The following AGO2 variants were observed in gnomAD, a reference collection of about 807,000 sequenced individuals.
The protein encoded by AGO2 is protein argonaute-2.
Under a neutral mutation model 102.3 loss-of-function variants are expected in AGO2, and 5 were observed. The ratio of observed to expected loss-of-function variants is 0.05; its 90% confidence interval spans 0.03 to 0.10. The LOEUF (loss-of-function observed/expected upper bound fraction) is 0.10, where lower values mean the gene tolerates loss of function less well. AGO2 is among the 10% of genes least tolerant of loss of function. The pLI is 1.00. For synonymous variants in AGO2, 449 were observed against 473.1 expected, an observed-to-expected ratio of 0.95 and a Z score of 0.66; for missense variants, 541 against 1,183.7, an observed-to-expected ratio of 0.46 and a Z score of 7.97.
Position 140,635,568 on chromosome 8 carries a change from C to T in AGO2, c.-62G>A, listed in dbSNP as rs2074397964. The T allele has an allele frequency of 1.0e-6, 1 of 970,430 alleles. No homozygotes were observed. Among genetic ancestry groups the T allele is most frequent in the South Asian group, 4.6e-5 (1 of 21,652 alleles). The allele number at this position is 970,430 out of a possible 1,614,324, so 60.1% of individuals were successfully genotyped here. On this transcript the variant is annotated 5_prime_UTR_variant, in exon 1 of 19. Transcript: ENST00000220592. The stretch of plus-strand genomic sequence containing the variant: ...GCCGCGCGCGCGCCACGGGCCCCGA[C>T]GCCGCGAGCCGCGAGGGAGCCGCCG...
intron 1 of AGO2, among the ~76,000 whole-genome samples, chr8:140,617,680 GC>G (rs1413917005): frequency 6.6e-6 from 1 of 152,206 alleles, no homozygotes; most frequent in African/African-American, 2.4e-5. Flanking sequence ...TCCCACAGGA[GC>G]CCACCCTCTG....
At chr8:140,604,021 T>G (rs1022198890) in intron 1 of AGO2, among the ~76,000 whole-genome samples, 4 of 152,190 alleles carry the variant, frequency 2.6e-5, no homozygotes, top group Non-Finnish European at 4.4e-5. Context: ...TCCAGGCCCA[T>G]GAAAGGCCCT....
chr8:140,550,707 C>T (rs1398536452), intron 11 of AGO2, among the ~76,000 whole-genome samples: 3 of 152,160 alleles, frequency 2.0e-5, no homozygotes, highest in Non-Finnish European at 4.4e-5. Context: ...ACCTCCACCT[C>T]CCGGGTTCAA....
At chr8:140,580,712 G>A (rs557891476) in intron 2 of AGO2, among the ~76,000 whole-genome samples, 10 of 152,348 alleles carry the variant, frequency 6.6e-5, no homozygotes, top group African/African-American at 2.4e-4. Flanking sequence ...AGGTAGGCCA[G>A]GGCTCCCACA....
intron 16 of AGO2, among the ~76,000 whole-genome samples, chr8:140,538,071 C>T (rs1477943503): frequency 4.0e-5 from 6 of 151,844 alleles, no homozygotes; most frequent in Admixed American, 2.6e-4. Flanking sequence ...CCACCTGCCT[C>T]GGCCTCCCAA....
intron 2 of AGO2, among the ~76,000 whole-genome samples, chr8:140,576,817 G>A (rs1256152134): frequency 6.6e-6 from 1 of 152,108 alleles, no homozygotes; most frequent in Non-Finnish European, 1.5e-5. Context: ...TCAAATCAAT[G>A]TCCATCAGCT....
chr8:140,626,468 A>C (rs2074279160), intron 1 of AGO2: 1 of 152,200 alleles, frequency 6.6e-6, no homozygotes, highest in South Asian at 2.1e-4. Flanking sequence ...TCACCATCAG[A>C]GGGACCTTCT....
chr8:140,536,876 G>A (rs1433065238), intron 16 of AGO2, among the ~76,000 whole-genome samples: 1 of 152,158 alleles, frequency 6.6e-6, no homozygotes, highest in Non-Finnish European at 1.5e-5. Flanking sequence ...GGGGACTGAG[G>A]TCTCTTATTC....
Position 140,539,452 on chromosome 8 carries a change from A to G in AGO2, c.2037T>C (p.Val679=). ...GGATGGCCAGCAACTCGTGGTGGAG[A>G]ACCTAGGGGTACGGGAGGGAGGAGG... ...DGVSEGQFQQ[V]LHHELLAIRE... The change falls in exon 16 of 19, where the codon GTT becomes GTC. Residue 679 remains valine, a splice_region_variant and synonymous_variant. Coordinates refer to ENST00000220592, the MANE Select transcript of AGO2 (RefSeq NM_012154.5). This position sits in a 1 kb window ranked among gnomAD's most constrained non-coding sequence, Gnocchi z 4.7. 6.2e-7 allele frequency: 1 copy of G among 1,612,116 alleles called. No individual in the cohort carries two copies. The highest frequency in any genetic ancestry group is 8.5e-7 in the Non-Finnish European group (1 of 1,179,094).
In AGO2 at chr8:140,522,726, G is replaced by GGGGAGGGA. The variant is rs1554696533; in HGVS notation, c.*9317_*9318insTCCCTCCC. ...AGAGGGAGGGGGAGGGGGGAGAGGG[G>GGGGAGGGA]GAGAGAGAGAGAGAGAGAGAGAGGT... On this transcript the variant is annotated 3_prime_UTR_variant, in exon 19 of 19. Transcript: ENST00000220592. 5.0e-5 allele frequency: 6 copies of GGGGAGGGA among 121,056 alleles called. No homozygotes were observed. The East Asian group carries it at 1.7e-3, about 34-fold the overall frequency. The allele number at this position is 121,056 out of a possible 1,614,324, so 7.5% of individuals were successfully genotyped here. A position where few individuals can be genotyped will look rare whatever the true frequency, so the allele number is the denominator to read the frequency against.
chr8:140,636,616 TCTGA>T (rs1377136747), upstream of AGO2: 3 of 152,124 alleles, frequency 2.0e-5, no homozygotes, highest in Non-Finnish European at 4.4e-5. Context: ...AAACAGGAGT[TCTGA>T]CTGACAGGAG....
intron 8 of AGO2, among the ~76,000 whole-genome samples, chr8:140,556,810 G>T (rs1224694298): frequency 1.3e-5 from 2 of 152,188 alleles, no homozygotes; most frequent in Admixed American, 1.3e-4. Flanking sequence ...ACGGTGCAGT[G>T]ACGGAGCACC....
chr8:140,536,532 G>T (rs1266667319), intron 16 of AGO2, among the ~76,000 whole-genome samples: 1 of 151,932 alleles, frequency 6.6e-6, no homozygotes, highest in East Asian at 1.9e-4. Flanking sequence ...TCACTATGTT[G>T]GTCAGGCTGG....
chr8:140,596,484 G>A (rs2073845870), intron 1 of AGO2, among the ~76,000 whole-genome samples: 1 of 152,364 alleles, frequency 6.6e-6, no homozygotes, highest in East Asian at 1.9e-4. Flanking sequence ...TCGGGAGGCT[G>A]AGATGGGATA....
the AGO2 span, among the ~76,000 whole-genome samples, chr8:140,642,309 G>A: frequency 0.59 from 89,798 of 152,028 alleles, 28,635 homozygotes; most frequent in Admixed American, 0.72. Context: ...AAGAGGCAGC[G>A]GGTGGAGTGT....
In AGO2 at chr8:140,551,284, C is replaced by T. The variant is rs767708101; in HGVS notation, c.1403+19G>A. 2.0e-6 allele frequency: 3 copies of T among 1,504,148 alleles called. No individual in the cohort carries two copies. The East Asian group carries it at 7.3e-5, about 36-fold the overall frequency. 93.2% of individuals were successfully genotyped at this position (1,504,148 alleles called of 1,614,324 possible). ...GGGCAGCACCCCCAGGCCGGAGCCTCTGCCTGTGGGGGGCTTACTTCAGAT... is the reference window on the plus strand; with the variant it reads ...GGGCAGCACCCCCAGGCCGGAGCCTTTGCCTGTGGGGGGCTTACTTCAGAT... On this transcript the variant is annotated intron_variant, in intron 11 of 18. Transcript: ENST00000220592.
chr8:140,597,409 T>C (rs2073861044), intron 1 of AGO2, among the ~76,000 whole-genome samples: 1 of 150,940 alleles, frequency 6.6e-6, no homozygotes, highest in East Asian at 1.9e-4. Context: ...CTGGCTGACA[T>C]TACTTTCTCT....
intron 1 of AGO2, among the ~76,000 whole-genome samples, chr8:140,619,634 T>G (rs1206670882): frequency 6.6e-6 from 1 of 152,072 alleles, no homozygotes; most frequent in Middle Eastern, 3.2e-3. Flanking sequence ...GACTGCACTG[T>G]AAGGCCAAGG....
intron 1 of AGO2, among the ~76,000 whole-genome samples, chr8:140,596,868 C>T (rs997022384): frequency 2.6e-5 from 4 of 152,150 alleles, no homozygotes; most frequent in African/African-American, 4.8e-5. Context: ...TCGTCGTGAC[C>T]GCTGTCTCAT....
Sources: gnomAD v4.1 joint callset for allele counts (sites outside exome capture counted in the v4.1 genomes callset) on GRCh38, gnomAD v4.1.1 for gene constraint, Gnocchi (gnomAD v3.1) non-coding constraint, MANE v1.5 for transcripts, NCBI Gene and HGNC (gene_info 2026-07-23, HGNC 2026-07-21) for gene names.